CATSPERG: variants seen among roughly 807,000 people sequenced by gnomAD.
CATSPERG encodes cation channel sperm-associated auxiliary subunit gamma.
Under a neutral mutation model 145.0 loss-of-function variants are expected in CATSPERG, and 115 were observed. The observed-to-expected ratio is 0.79, with a 90% confidence interval of 0.68 to 0.93. CATSPERG has a LOEUF of 0.93. Among genes scored for constraint, CATSPERG ranks in the 40% least tolerant of loss-of-function variants. The probability of loss-of-function intolerance (pLI) is 0.00; values close to 1 mark genes in which losing one functional copy is unlikely to be tolerated. For synonymous variants in CATSPERG, 588 were observed against 589.0 expected, an observed-to-expected ratio of 1.00 and a Z score of 0.02; for missense variants, 1,296 against 1,490.1, an observed-to-expected ratio of 0.87 and a Z score of 2.14.
At chr19:38,347,488 G>C (rs1970060175) in intron 7 of CATSPERG, among the ~76,000 whole-genome samples, 2 of 152,192 alleles carry the variant, frequency 1.3e-5, no homozygotes, top group Admixed American at 6.5e-5. Flanking sequence ...CTCTGCCCAA[G>C]GGTTTCCTAT....
At chr19:38,337,956 A>C in intron 3 of CATSPERG, 1 of 258,844 alleles carries the variant, frequency 3.9e-6, no homozygotes, top group East Asian at 1.0e-4. Context: ...ACCTCATGTG[A>C]TCCACCTGCC....
At chr19:38,364,399 C>T (rs901766209) in intron 20 of CATSPERG, among the ~76,000 whole-genome samples, 3 of 147,656 alleles carry the variant, frequency 2.0e-5, no homozygotes, top group Non-Finnish European at 3.0e-5. Context: ...ACATCTCAGA[C>T]GATGGGCGGC....
chr19:38,367,462 G>T, intron 23 of CATSPERG, 47 bp from the exon 24 acceptor site: 1 of 1,594,182 alleles, frequency 6.3e-7, no homozygotes, highest in Non-Finnish European at 8.6e-7. Context: ...AGCTTCTCGG[G>T]CCAAGCTAAT....
At chr19:38,362,338 C>A (rs879157499) in intron 18 of CATSPERG, 38 bp from the exon 19 acceptor site, 3 of 1,613,594 alleles carry the variant, frequency 1.9e-6, no homozygotes, top group Middle Eastern at 1.7e-4. Flanking sequence ...GTGCCCCACC[C>A]CCGGCGCTGA....
Position 38,344,074 on chromosome 19 carries a change from T to C in CATSPERG, c.551T>C (p.Val184Ala). The change falls in exon 5 of 29, where the codon GTG (valine) becomes GCG (alanine). Residue 184 changes from valine to alanine, a missense_variant. Val to Ala is a moderately conservative substitution (Grantham distance 64, BLOSUM62 0). Coordinates refer to ENST00000409235, the MANE Select transcript of CATSPERG (RefSeq NM_021185.5). ...PIKKGSVVMR[V>A]DISSNGLGTF... Reference sequence around the variant, plus strand: ...AAGAAAGGCAGTGTGGTCATGCGTGTGGACATCAGCAGCAATGGCCTGGGG... The same window carrying C: ...AAGAAAGGCAGTGTGGTCATGCGTGCGGACATCAGCAGCAATGGCCTGGGG... 6.4e-7 allele frequency: 1 copy of C among 1,551,632 alleles called. No individual in the cohort carries two copies. Among genetic ancestry groups the C allele is most frequent in the Non-Finnish European group, 8.7e-7 (1 of 1,146,940 alleles).
intron 7 of CATSPERG, among the ~76,000 whole-genome samples, chr19:38,347,052 A>G (rs1970052891): frequency 6.6e-6 from 1 of 152,110 alleles, no homozygotes; most frequent in Admixed American, 6.6e-5. Flanking sequence ...CTCTACCAAA[A>G]ATACAAAACT....
intron 23 of CATSPERG, 85 bp downstream of exon 23, chr19:38,367,397 G>A (rs1301295462): frequency 1.9e-5 from 29 of 1,558,904 alleles, no homozygotes; most frequent in East Asian, 1.1e-4. Flanking sequence ...TCCTCTCCCC[G>A]CAGACTACCC....
intron 14 of CATSPERG, chr19:38,359,947 C>T (rs1167639948): frequency 1.5e-5 from 16 of 1,032,416 alleles, no homozygotes; most frequent in Admixed American, 5.0e-5. Context: ...GACCTGGCCC[C>T]GTCTGGGGGC....
chr19:38,366,988 C>A, intron 22 of CATSPERG, 168 bp from the exon 23 acceptor site: 1 of 634,232 alleles, frequency 1.6e-6, no homozygotes, highest in Non-Finnish European at 2.7e-6. Flanking sequence ...GCCACTGCAC[C>A]AGGCCGTGTT....
Position 38,350,473 on chromosome 19 carries a change from G to A in CATSPERG, c.826-1788G>A, listed in dbSNP as rs1970120392. On this transcript the variant is annotated intron_variant, in intron 7 of 28. Transcript: ENST00000409235. ...GCTCATTACAACTTTTGCCTCCTGG[G>A]TTCAAGCGATTCTCTTGCCTCAGCC... Among the ~76,000 whole-genome samples, 6 of 152,238 alleles carry A rather than the reference G, an allele frequency of 3.9e-5. No homozygotes were observed. In the South Asian group the frequency reaches 1.0e-3, roughly 26 times the overall value.
chr19:38,355,104 G>C (rs1374893977), intron 9 of CATSPERG, among the ~76,000 whole-genome samples: 1 of 152,110 alleles, frequency 6.6e-6, no homozygotes, highest in Admixed American at 6.6e-5. Flanking sequence ...CAGCACTTTG[G>C]GAGGCTGAGG....
At chr19:38,355,558 A>G (rs1970228837) in intron 9 of CATSPERG, among the ~76,000 whole-genome samples, 1 of 151,534 alleles carries the variant, frequency 6.6e-6, no homozygotes, top group African/African-American at 2.4e-5. Flanking sequence ...TCAGCTGAGC[A>G]TGGTGGCATG....
Position 38,358,495 on chromosome 19 carries a change from C to T in CATSPERG, c.1430C>T (p.Pro477Leu). 1.2e-6 allele frequency: 2 copies of T among 1,614,188 alleles called. No homozygotes were observed. The highest frequency in any genetic ancestry group is 8.5e-7 in the Non-Finnish European group (1 of 1,180,022). ...TCCTACACCAGCACTGCAATGGCCCCCAAGGGCATCTTCTGTAACCCGTAC... is the reference window on the plus strand; with the variant it reads ...TCCTACACCAGCACTGCAATGGCCCTCAAGGGCATCTTCTGTAACCCGTAC... ...TESYTSTAMA[P>L]KGIFCNPYNN... Residue 477 changes from proline to leucine, a missense_variant, in exon 13 of 29, where the codon CCC becomes CTC. Pro to Leu is a moderately conservative substitution (Grantham distance 98). Coordinates refer to ENST00000409235, the MANE Select transcript of CATSPERG (RefSeq NM_021185.5).
rs78793958 is a variant in CATSPERG, at chr19:38,342,680, A to G, written c.325-900A>G. Among the ~76,000 whole-genome samples, 377 of 151,314 alleles carry G rather than the reference A, an allele frequency of 2.5e-3. 9 individuals are homozygous for G. The East Asian group carries it at 0.049, about 20-fold the overall frequency. ...CAGCCCTCTCGATGAAGGGCTGTGC[A>G]CAGGTGCTGAATCTGGTAAATCCCT... On this transcript the variant is annotated intron_variant, in intron 3 of 28. Coordinates refer to ENST00000409235, the MANE Select transcript of CATSPERG (RefSeq NM_021185.5).
intron 7 of CATSPERG, among the ~76,000 whole-genome samples, chr19:38,348,352 G>A (rs1030500614): frequency 2.0e-5 from 3 of 151,268 alleles, no homozygotes; most frequent in South Asian, 4.2e-4. Flanking sequence ...GTAGAGACAC[G>A]GTCTCACTAT....
chr19:38,359,733 C>T (rs1970311281), intron 14 of CATSPERG, 152 bp downstream of exon 14: 1 of 1,381,182 alleles, frequency 7.2e-7, no homozygotes, highest in African/African-American at 1.5e-5. Context: ...ATAACTGAAA[C>T]TCCTGGAACT....
At chr19:38,348,743 T>C (rs1303977716) in intron 7 of CATSPERG, among the ~76,000 whole-genome samples, 1 of 151,956 alleles carries the variant, frequency 6.6e-6, no homozygotes, top group Non-Finnish European at 1.5e-5. Flanking sequence ...AAAGTGCTGG[T>C]ATTACAGGTG....
intron 10 of CATSPERG, 73 bp from the exon 11 acceptor site, chr19:38,356,669 G>A: frequency 6.3e-7 from 1 of 1,599,682 alleles, no homozygotes; most frequent in Non-Finnish European, 8.5e-7. Context: ...GAGTTATGGG[G>A]AGGGGTACAG....
chr19:38,360,664 T>C lies in CATSPERG; in HGVS notation c.1767+17T>C, dbSNP rs775325972. 2 of 1,614,146 alleles carry C rather than the reference T, an allele frequency of 1.2e-6. No individual in the cohort carries two copies. Among genetic ancestry groups the C allele is most frequent in the South Asian group, 1.1e-5 (1 of 91,082 alleles). On this transcript the variant is annotated intron_variant, in intron 15 of 28. Coordinates refer to ENST00000409235, the MANE Select transcript of CATSPERG (RefSeq NM_021185.5). The stretch of plus-strand genomic sequence containing the variant: ...CTGTACCAGGTGCCCGGTGGAGCTA[T>C]GCGGGGACATCGGGGCACCCCAGGA...
Sources: allele counts gnomAD v4.1 joint callset (sites outside exome capture counted in the v4.1 genomes callset), GRCh38; gene constraint gnomAD v4.1.1; transcripts MANE v1.5; gene names NCBI Gene and HGNC (gene_info 2026-07-23, HGNC 2026-07-21).